KCNH7: variants seen among roughly 807,000 people sequenced by gnomAD.
KCNH7 encodes potassium voltage-gated channel subfamily H member 7.
In KCNH7, 49 loss-of-function variants were observed where a neutral mutation model predicts 120.8. The ratio of observed to expected loss-of-function variants is 0.41; its 90% CI spans 0.32 to 0.51. The LOEUF (loss-of-function observed/expected upper bound fraction) is 0.51, where lower values mean the gene tolerates loss of function less well. KCNH7 is among the 20% of genes least tolerant of loss of function. KCNH7 has a pLI of 0.38. For missense variants in KCNH7, 1,097 were observed against 1,446.6 expected, an observed-to-expected ratio of 0.76 and a Z score of 3.92; for synonymous variants, 547 against 516.1, an observed-to-expected ratio of 1.06 and a Z score of -0.81.
intron 6 of KCNH7, among the ~76,000 whole-genome samples, chr2:162,492,416 G>T (rs564454332): frequency 3.9e-5 from 6 of 152,108 alleles, no homozygotes; most frequent in Non-Finnish European, 8.8e-5. Context: ...ACTCTCTTTT[G>T]GTCTTTGCCA....
chr2:162,769,792 A>G (rs1016676918), intron 2 of KCNH7, among the ~76,000 whole-genome samples: 6 of 152,136 alleles, frequency 3.9e-5, no homozygotes, highest in African/African-American at 9.7e-5. Flanking sequence ...GTTTTGAAGC[A>G]AAACATTAAA....
At chr2:162,651,599 G>C (rs1684567453) in intron 2 of KCNH7, among the ~76,000 whole-genome samples, 1 of 151,966 alleles carries the variant, frequency 6.6e-6, no homozygotes. Context: ...TATCCAATCT[G>C]TCATTGAAGG....
chr2:162,538,454 T>G (rs1692188201), intron 2 of KCNH7, among the ~76,000 whole-genome samples: 1 of 151,960 alleles, frequency 6.6e-6, no homozygotes, highest in African/African-American at 2.4e-5. Context: ...AGAGCAAGAT[T>G]AGTCTGGCAT....
chr2:162,666,347 C>T (rs56267650), intron 2 of KCNH7, among the ~76,000 whole-genome samples: 1 of 151,926 alleles, frequency 6.6e-6, no homozygotes, highest in Non-Finnish European at 1.5e-5. Flanking sequence ...CATACAATCC[C>T]TAATAAATTC....
intron 2 of KCNH7, among the ~76,000 whole-genome samples, chr2:162,619,422 A>G (rs897247251): frequency 4.6e-5 from 7 of 151,488 alleles, no homozygotes; most frequent in Admixed American, 4.0e-4. Context: ...AGTATGGAAC[A>G]ATAAGAATTG....
intron 6 of KCNH7, among the ~76,000 whole-genome samples, chr2:162,471,693 T>C (rs565653987): frequency 0.073 from 11,140 of 152,130 alleles, 1,281 homozygotes; most frequent in African/African-American, 0.25. Flanking sequence ...ATGCCATCCC[T>C]ATTAAGCTAC....
chr2:162,548,658 G>A (rs1312879038), intron 2 of KCNH7, among the ~76,000 whole-genome samples: 1 of 152,022 alleles, frequency 6.6e-6, no homozygotes, highest in Non-Finnish European at 1.5e-5. Flanking sequence ...GTAATGTAGA[G>A]GTTAAGCTTA....
At chr2:162,526,634 C>A (rs1418248390) in intron 3 of KCNH7, among the ~76,000 whole-genome samples, 3 of 151,948 alleles carry the variant, frequency 2.0e-5, no homozygotes, top group African/African-American at 7.2e-5. Context: ...CCTGGCTCAC[C>A]GGCGGTCAGA....
At chr2:162,421,344 A>T (rs918420468) in intron 9 of KCNH7, among the ~76,000 whole-genome samples, 3 of 152,150 alleles carry the variant, frequency 2.0e-5, no homozygotes, top group African/African-American at 4.8e-5. Flanking sequence ...CAGAGTCGGG[A>T]TAGGGGCAGA....
intron 2 of KCNH7, among the ~76,000 whole-genome samples, chr2:162,551,975 C>A (rs928395118): frequency 6.6e-6 from 1 of 152,108 alleles, no homozygotes; most frequent in African/African-American, 2.4e-5. Flanking sequence ...TGGTCTGACT[C>A]CTCTATTGGA....
intron 2 of KCNH7, among the ~76,000 whole-genome samples, chr2:162,784,368 C>T (rs976338130): frequency 5.3e-5 from 8 of 152,094 alleles, no homozygotes; most frequent in African/African-American, 1.9e-4. Flanking sequence ...GGCTGATTTA[C>T]AGTGTGGACC....
intron 6 of KCNH7, among the ~76,000 whole-genome samples, chr2:162,479,014 A>G (rs1000601282): frequency 1.3e-5 from 2 of 152,114 alleles, no homozygotes; most frequent in African/African-American, 4.8e-5. Flanking sequence ...TTAAAGCTTC[A>G]GATCTGTTCA....
chr2:162,783,795 A>G (rs959755103), intron 2 of KCNH7, among the ~76,000 whole-genome samples: 9 of 152,328 alleles, frequency 5.9e-5, no homozygotes, highest in Middle Eastern at 3.4e-3. Context: ...TTAAAACTCA[A>G]CATAGTTTCC....
At chr2:162,465,877 CATTA>C (rs1689290198) in intron 6 of KCNH7, among the ~76,000 whole-genome samples, 1 of 152,162 alleles carries the variant, frequency 6.6e-6, no homozygotes, top group Non-Finnish European at 1.5e-5. Flanking sequence ...GACTGCCCAC[CATTA>C]ATTACTTTTA....
rs192385057 is a variant in KCNH7 at position 162,667,538 on chromosome 2, C to T, written c.308-130458G>A. On this transcript the variant is annotated intron_variant, in intron 2 of 15. Coordinates refer to ENST00000332142, the MANE Select transcript of KCNH7 (RefSeq NM_033272.4). The stretch of plus-strand genomic sequence containing the variant: ...TCATCTTCTATAATTAGTTACACTG[C>T]TATATTTCTTTCCTCAAACACTCAA... Among the ~76,000 whole-genome samples the T allele has an allele frequency of 8.5e-5, 13 of 152,304 alleles. No individual in the cohort carries two copies. The East Asian group carries it at 9.6e-4, about 11-fold the overall frequency.
chr2:162,652,238 T>C (rs1444449095), intron 2 of KCNH7, among the ~76,000 whole-genome samples: 2 of 152,216 alleles, frequency 1.3e-5, no homozygotes, highest in Admixed American at 1.3e-4. Flanking sequence ...CAGTGTATTC[T>C]TGGGAAAAAT....
intron 2 of KCNH7, among the ~76,000 whole-genome samples, chr2:162,768,520 C>T (rs1244281814): frequency 6.6e-6 from 1 of 152,038 alleles, no homozygotes; most frequent in East Asian, 1.9e-4. Flanking sequence ...ACATTTGGAT[C>T]ATGAACATGG....
At chr2:162,529,210 T>G (rs922890839) in intron 3 of KCNH7, among the ~76,000 whole-genome samples, 27 of 151,988 alleles carry the variant, frequency 1.8e-4, no homozygotes. Context: ...ACAATGAGTT[T>G]GCCTAAGCAG....
intron 7 of KCNH7, among the ~76,000 whole-genome samples, chr2:162,437,505 A>G (rs1203529639): frequency 1.3e-5 from 2 of 152,172 alleles, no homozygotes; most frequent in Non-Finnish European, 2.9e-5. Flanking sequence ...TGTATTATCA[A>G]TATTTTAGCT....
Sources: allele counts gnomAD v4.1 joint callset (sites outside exome capture counted in the v4.1 genomes callset), GRCh38; gene constraint gnomAD v4.1.1; transcripts MANE v1.5; gene names NCBI Gene and HGNC (gene_info 2026-07-23, HGNC 2026-07-21).